The following SOX5 variants were observed in gnomAD, a reference collection of about 807,000 sequenced individuals.
SOX5 encodes the protein transcription factor SOX-5.
Under a neutral mutation model 92.0 loss-of-function variants are expected in SOX5, and 9 were observed. The observed-to-expected ratio is 0.10, with a 90% confidence interval of 0.06 to 0.17. The LOEUF (loss-of-function observed/expected upper bound fraction) is 0.17. Ranked by LOEUF, SOX5 falls within the 10% of genes least tolerant of loss-of-function variation. The pLI is 1.00. For synonymous variants in SOX5, 344 were observed against 336.3 expected (o/e 1.02, Z -0.25); for missense variants, 642 against 944.5 (o/e 0.68, Z 4.20).
At chr12:24,203,315 T>G (rs1161921578) in intron 4 of SOX5, among the ~76,000 whole-genome samples, 1 of 152,184 alleles carries the variant, frequency 6.6e-6, no homozygotes, top group East Asian at 1.9e-4. Flanking sequence ...TGTTCCAGAC[T>G]TTTATGACAT....
At chr12:23,968,511 G>A (rs959172814) in intron 4 of SOX5, among the ~76,000 whole-genome samples, 3 of 152,118 alleles carry the variant, frequency 2.0e-5, no homozygotes, top group Admixed American at 1.3e-4. Context: ...ACGGGAGTGG[G>A]TTTCTTATCA....
At chr12:24,121,567 C>CT (rs11286069) in intron 4 of SOX5, among the ~76,000 whole-genome samples, 2,461 of 105,968 alleles carry the variant, frequency 0.023, 83 homozygotes, top group African/African-American at 0.071. Flanking sequence ...AAATGGCTAA[C>CT]TTTTTTTTTT....
intron 4 of SOX5, among the ~76,000 whole-genome samples, chr12:24,097,493 G>GT (rs34974362): frequency 0.37 from 54,447 of 148,294 alleles, 9,967 homozygotes; most frequent in Middle Eastern, 0.58. Flanking sequence ...AATTTTACAG[G>GT]TTTTTTTTTT....
At position 23,530,294 on chromosome 12, in the gene SOX5, T is replaced by C. The variant is rs1938698878; in HGVS notation, c.*3925A>G. 1 of 152,248 alleles carries C rather than the reference T, an allele frequency of 6.6e-6. No homozygotes were observed. The highest frequency in any genetic ancestry group is 2.4e-5 in the African/African-American group (1 of 41,474). 9.4% of individuals were successfully genotyped at this position (152,248 alleles called of 1,614,324 possible). ...AGTGAAAGTGTAATTATTTTTTATGTTTTAAATGTGATATAAGAGGTTTCT... is the reference window on the plus strand; with the variant it reads ...AGTGAAAGTGTAATTATTTTTTATGCTTTAAATGTGATATAAGAGGTTTCT... On this transcript the variant is annotated 3_prime_UTR_variant, in exon 15 of 15. Transcript: ENST00000451604.
intron 2 of SOX5, among the ~76,000 whole-genome samples, chr12:24,290,248 A>G (rs1473359565): frequency 6.6e-6 from 1 of 152,242 alleles, no homozygotes; most frequent in Non-Finnish European, 1.5e-5. Flanking sequence ...AAAAGTATTT[A>G]TTTTGATATC....
intron 4 of SOX5, among the ~76,000 whole-genome samples, chr12:24,079,107 G>C (rs1943009710): frequency 6.6e-6 from 1 of 150,720 alleles, no homozygotes; most frequent in South Asian, 2.1e-4. Context: ...ACCTCACGTA[G>C]CAGCCAAAAT....
intron 2 of SOX5, among the ~76,000 whole-genome samples, chr12:23,856,945 C>A (rs1318330551): frequency 1.3e-5 from 2 of 152,134 alleles, no homozygotes; most frequent in African/African-American, 4.8e-5. Context: ...TTCACACACA[C>A]ACTATGCCTT....
intron 6 of SOX5, among the ~76,000 whole-genome samples, chr12:23,671,802 A>G (rs780377972): frequency 6.6e-6 from 1 of 152,198 alleles, no homozygotes; most frequent in Non-Finnish European, 1.5e-5. Context: ...TAACTTCCCA[A>G]CAGTCACATT....
intron 1 of SOX5, among the ~76,000 whole-genome samples, chr12:24,390,266 C>T (rs1958855501): frequency 6.6e-6 from 1 of 152,142 alleles, no homozygotes; most frequent in Admixed American, 6.6e-5. Context: ...GTGATTATCT[C>T]ATTGGTTATG....
chr12:24,439,018 T>C (rs866400632), intron 1 of SOX5, among the ~76,000 whole-genome samples: 1 of 152,202 alleles, frequency 6.6e-6, no homozygotes, highest in African/African-American at 2.4e-5. Context: ...GAAGAGTCAA[T>C]TGACATGGCA....
At position 23,674,626 on chromosome 12, in the gene SOX5, C is replaced by T. The variant is rs137916997; in HGVS notation, c.811-9062G>A. 2.7e-3 allele frequency among the ~76,000 whole-genome samples: 414 copies of T among 152,020 alleles called. 1 individual carries two copies. Among genetic ancestry groups the T allele is most frequent in the Middle Eastern group, 0.014 (4 of 292 alleles). On this transcript the variant is annotated intron_variant, in intron 6 of 14. Coordinates refer to ENST00000451604, the MANE Select transcript of SOX5 (RefSeq NM_006940.6). The stretch of plus-strand genomic sequence containing the variant: ...GTGCTGGGATTACAGGCATGAGCCA[C>T]CGCACCCAGCCAAAAAGGAATAATT...
At position 23,896,035 on chromosome 12, in the gene SOX5, CAA is replaced by C; in HGVS notation, c.39-13_39-12del. The C allele has an allele frequency of 6.4e-7, 1 of 1,568,760 alleles. No homozygotes were observed. The highest frequency in any genetic ancestry group is 8.8e-7 in the Non-Finnish European group (1 of 1,139,558). On this transcript the variant is annotated splice_polypyrimidine_tract_variant and intron_variant, in intron 1 of 14. Transcript: ENST00000451604. ...CGCTTGGAAGACATCCTGGAAGGAA[CAA>C]AAGAGGAGAAAATAATGAAACCTCC...
chr12:24,314,206 T>C (rs1390282655), intron 2 of SOX5, among the ~76,000 whole-genome samples: 2 of 152,090 alleles, frequency 1.3e-5, no homozygotes, highest in South Asian at 2.1e-4. Flanking sequence ...TCCTTTTAAA[T>C]GATAACAGTT....
In SOX5 at chr12:24,546,118, C is replaced by T. The variant is rs142715305; in HGVS notation, c.-251+16211G>A. Among the ~76,000 whole-genome samples, 904 of 152,258 alleles carry T rather than the reference C, an allele frequency of 5.9e-3. 5 individuals carry two copies. Among genetic ancestry groups the T allele is most frequent in the African/African-American group, 0.021 (871 of 41,556 alleles). On this transcript the variant is annotated intron_variant, in intron 1 of 4. Coordinates refer to the SOX5 transcript ENST00000446891. ...GACCTTGCTTTCAGTGTTTATTGGGCCCTGAATATTAACTAAAGTAGCAAC... is the reference window on the plus strand; with the variant it reads ...GACCTTGCTTTCAGTGTTTATTGGGTCCTGAATATTAACTAAAGTAGCAAC...
intron 2 of SOX5, among the ~76,000 whole-genome samples, chr12:24,277,687 G>A (rs1238505375): frequency 6.6e-6 from 1 of 151,498 alleles, no homozygotes; most frequent in African/African-American, 2.4e-5. Context: ...TAAAAACTCA[G>A]TAGTTGTTGT....
intron 1 of SOX5, among the ~76,000 whole-genome samples, chr12:23,912,988 G>C (rs1250049380): frequency 1.3e-5 from 2 of 152,080 alleles, no homozygotes; most frequent in African/African-American, 4.8e-5. Context: ...AAATTTTATA[G>C]TACTGAATTA....
chr12:23,806,367 T>C (rs1031830699), intron 3 of SOX5, among the ~76,000 whole-genome samples: 7 of 152,052 alleles, frequency 4.6e-5, no homozygotes, highest in African/African-American at 1.4e-4. Flanking sequence ...TCCTCCCCAA[T>C]CTGGAGCACT....
chr12:23,617,855 A>G (rs937869790), intron 8 of SOX5, among the ~76,000 whole-genome samples: 2 of 152,182 alleles, frequency 1.3e-5, no homozygotes, highest in African/African-American at 4.8e-5. Flanking sequence ...TGCGAGAGTC[A>G]TGTAAGAACA....
intron 9 of SOX5, chr12:23,582,146 A>G (rs770815728): frequency 1.0e-6 from 1 of 985,068 alleles, no homozygotes; most frequent in Non-Finnish European, 1.2e-6. Flanking sequence ...CATAATGTGC[A>G]CTGTTGCCGC....
Sources: allele counts gnomAD v4.1 joint callset (sites outside exome capture counted in the v4.1 genomes callset), GRCh38; gene constraint gnomAD v4.1.1; transcripts MANE v1.5; gene names NCBI Gene and HGNC (gene_info 2026-07-23, HGNC 2026-07-21).